The following ANXA8 variants were observed in gnomAD, a reference collection of about 807,000 sequenced individuals.
ANXA8 encodes the protein annexin A8, also known as VAC-beta.
Under a neutral mutation model 26.8 loss-of-function variants are expected in ANXA8, and 9 were observed. The ratio of observed to expected loss-of-function variants is 0.34; its 90% CI spans 0.20 to 0.59. The LOEUF (loss-of-function observed/expected upper bound fraction) is 0.59, where lower values mean the gene tolerates loss of function less well. Ranked by LOEUF, ANXA8 falls within the 20% of genes least tolerant of loss-of-function variation. The probability of loss-of-function intolerance (pLI) is 0.84; values close to 1 mark genes in which losing one functional copy is unlikely to be tolerated. For synonymous variants in ANXA8, 39 were observed against 94.8 expected, an observed-to-expected ratio of 0.41 and a Z score of 3.42; for missense variants, 83 against 238.5, an observed-to-expected ratio of 0.35 and a Z score of 4.29.
the ANXA8 span, among the ~76,000 whole-genome samples, chr10:47,920,277 C>A: frequency 1.1e-5 from 1 of 91,216 alleles, no homozygotes; most frequent in Middle Eastern, 4.8e-3. Flanking sequence ...CGCTCTGTTG[C>A]CCAGGCTGGA....
the ANXA8 span, among the ~76,000 whole-genome samples, chr10:47,971,080 C>T: frequency 6.6e-6 from 1 of 151,386 alleles, no homozygotes; most frequent in African/African-American, 2.4e-5. Flanking sequence ...CTCAAATGCT[C>T]GGAGGCCCTT....
chr10:47,486,922 G>A (rs1273801879), upstream of ANXA8, among the ~76,000 whole-genome samples: 7 of 149,710 alleles, frequency 4.7e-5, no homozygotes, highest in East Asian at 1.0e-3. Flanking sequence ...GCAGTGAGCC[G>A]AGATCACACC....
the ANXA8 span, among the ~76,000 whole-genome samples, chr10:47,647,697 GA>G: frequency 6.7e-6 from 1 of 148,652 alleles, no homozygotes; most frequent in South Asian, 2.1e-4. Flanking sequence ...TAAAGTCACT[GA>G]AGCAAAATAT....
chr10:47,573,357 C>T, the ANXA8 span, among the ~76,000 whole-genome samples: 3 of 149,796 alleles, frequency 2.0e-5, no homozygotes, highest in African/African-American at 7.5e-5. Flanking sequence ...TATCAAATTC[C>T]TGGGCTCGAG....
chr10:47,597,584 A>G, the ANXA8 span, among the ~76,000 whole-genome samples: 48 of 145,868 alleles, frequency 3.3e-4, 1 homozygote, highest in Middle Eastern at 0.014. Context: ...TCAATATACA[A>G]AAAGCAGTAG....
At chr10:47,570,348 T>C in the ANXA8 span, among the ~76,000 whole-genome samples, 3 of 145,794 alleles carry the variant, frequency 2.1e-5, no homozygotes, top group Non-Finnish European at 4.5e-5. Context: ...AGTTACTTAA[T>C]AATATAATAC....
the ANXA8 span, among the ~76,000 whole-genome samples, chr10:47,944,899 T>C: frequency 7.0e-6 from 1 of 142,804 alleles, no homozygotes; most frequent in South Asian, 2.3e-4. Context: ...TCTGTCCTTG[T>C]ACAGGTTCCT....
chr10:47,468,866 A>AG lies in ANXA8; in HGVS notation c.964dup (p.Leu322ProfsTer58), dbSNP rs1839195678. 1 of 1,610,872 alleles carries AG rather than the reference A, an allele frequency of 6.2e-7. No homozygotes were observed. Among genetic ancestry groups the AG allele is most frequent in the African/African-American group, 1.3e-5 (1 of 74,466 alleles). ...TGTGCCTCAGGGGTCGCTGCCCACC[A>AG]GGCTCAGCAGGGCGTTCTTGTAGTC... is the stretch of plus-strand genomic sequence containing the variant. On this transcript the variant is annotated frameshift_variant, in exon 12 of 12. Transcript: ENST00000585281. LOFTEE classifies it high-confidence loss of function.
the ANXA8 span, among the ~76,000 whole-genome samples, chr10:47,718,562 C>T: frequency 5.3e-5 from 1 of 19,024 alleles, no homozygotes; most frequent in South Asian, 1.1e-3. Context: ...CATATTCGAT[C>T]GCTACGCACT....
chr10:47,654,051 G>A, the ANXA8 span, among the ~76,000 whole-genome samples: 43 of 151,978 alleles, frequency 2.8e-4, no homozygotes, highest in African/African-American at 9.4e-4. Context: ...ACATGTACAG[G>A]TTAGATAGTG....
the ANXA8 span, among the ~76,000 whole-genome samples, chr10:47,748,683 A>T: frequency 5.0e-5 from 7 of 139,914 alleles, no homozygotes; most frequent in South Asian, 7.9e-4. Context: ...GAGGGGGGGG[A>T]TCTTGCTCTG....
the ANXA8 span, among the ~76,000 whole-genome samples, chr10:47,631,871 C>T: frequency 6.6e-6 from 1 of 151,536 alleles, no homozygotes; most frequent in African/African-American, 2.4e-5. Context: ...ATATATTAAA[C>T]ATTTGAGATT....
chr10:47,627,292 A>G, the ANXA8 span, among the ~76,000 whole-genome samples: 2 of 150,078 alleles, frequency 1.3e-5, no homozygotes, highest in Non-Finnish European at 2.9e-5. Context: ...TTTTTCTTCA[A>G]TTTCTAGGGG....
the ANXA8 span, among the ~76,000 whole-genome samples, chr10:47,570,361 GC>G: frequency 1.4e-5 from 2 of 147,226 alleles, no homozygotes; most frequent in Non-Finnish European, 3.0e-5. Flanking sequence ...TATAATACTT[GC>G]CCTATCAGTA....
the ANXA8 span, among the ~76,000 whole-genome samples, chr10:47,546,250 CA>C: frequency 7.3e-6 from 1 of 136,552 alleles, no homozygotes; most frequent in African/African-American, 2.7e-5. Flanking sequence ...GGGAAGTATA[CA>C]ATGGAAACCT....
chr10:47,711,092 G>C, the ANXA8 span, among the ~76,000 whole-genome samples: 2 of 148,886 alleles, frequency 1.3e-5, no homozygotes, highest in Admixed American at 6.6e-5. Flanking sequence ...TTATAAGGCA[G>C]ATGTCAAGGG....
chr10:47,547,924 AT>A, the ANXA8 span, among the ~76,000 whole-genome samples: 1 of 141,496 alleles, frequency 7.1e-6, no homozygotes, highest in South Asian at 2.3e-4. Context: ...AACTAAAAAA[AT>A]GTAAATGCAT....
chr10:47,695,514 T>C, the ANXA8 span, among the ~76,000 whole-genome samples: 2 of 151,718 alleles, frequency 1.3e-5, no homozygotes, highest in African/African-American at 4.8e-5. Flanking sequence ...TGGACATTGC[T>C]GAGTTTGGGG....
chr10:47,705,852 C>T, the ANXA8 span, among the ~76,000 whole-genome samples: 1 of 151,718 alleles, frequency 6.6e-6, no homozygotes, highest in East Asian at 1.9e-4. Flanking sequence ...TCAGTCGTGA[C>T]TTTTCTGGGG....
Sources: allele counts gnomAD v4.1 joint callset (sites outside exome capture counted in the v4.1 genomes callset), GRCh38; gene constraint gnomAD v4.1.1; transcripts MANE v1.5; gene names NCBI Gene and HGNC (gene_info 2026-07-23, HGNC 2026-07-21).